Variants in SEPTIN2 observed in about 807,000 individuals in gnomAD.
The protein encoded by SEPTIN2 is septin-2.
A neutral mutation model predicts 46.5 loss-of-function variants in SEPTIN2; 34 were observed. That is an observed-to-expected ratio of 0.73 (90% confidence interval 0.56 to 0.97). The LOEUF is 0.97. SEPTIN2 is among the 50% of genes least tolerant of loss of function. SEPTIN2 has a pLI of 0.00. For synonymous variants in SEPTIN2, 175 were observed against 153.4 expected (o/e 1.14, Z -1.04); for missense variants, 347 against 448.4 (o/e 0.77, Z 2.04).
chr2:241,347,990 G>T, intron 10 of SEPTIN2, 144 bp from the exon 11 acceptor site: 1 of 545,746 alleles, frequency 1.8e-6, no homozygotes, highest in South Asian at 1.9e-5. Flanking sequence ...ACTCCAGCCC[G>T]TGCGACAGAG....
intron 3 of SEPTIN2, among the ~76,000 whole-genome samples, chr2:241,331,909 A>G (rs1274709616): frequency 1.3e-5 from 2 of 152,232 alleles, no homozygotes; most frequent in Non-Finnish European, 2.9e-5. Context: ...ACCCATCAAT[A>G]TAATAAGTTC....
At chr2:241,339,260 G>A (rs2080919051) in intron 7 of SEPTIN2, among the ~76,000 whole-genome samples, 1 of 150,960 alleles carries the variant, frequency 6.6e-6, no homozygotes, top group African/African-American at 2.4e-5. Flanking sequence ...GGGCGTGGTG[G>A]CGGGCATCTG....
At chr2:241,323,411 A>G (rs1436372509) in intron 1 of SEPTIN2, among the ~76,000 whole-genome samples, 1 of 151,096 alleles carries the variant, frequency 6.6e-6, no homozygotes, top group East Asian at 1.9e-4. Flanking sequence ...CTCAAGCGCC[A>G]CCATGCCTGG....
Position 241,353,736 on chromosome 2 carries a change from AC to A in SEPTIN2, c.*1800del, listed in dbSNP as rs1216146366. The stretch of plus-strand genomic sequence containing the variant: ...GCTGGAAAATCTGTAAAAAAGAAAA[AC>A]AAGTTTGCTAGTGACTAAGCCCCGC... On this transcript the variant is annotated 3_prime_UTR_variant, in exon 13 of 13. Transcript: ENST00000391971. 3 of 153,212 alleles carry A rather than the reference AC, an allele frequency of 2.0e-5. No homozygotes were observed. Among genetic ancestry groups the A allele is most frequent in the Non-Finnish European group, 4.4e-5 (3 of 68,042 alleles). The allele number at this position is 153,212 out of a possible 1,614,324, so 9.5% of individuals were successfully genotyped here.
intron 7 of SEPTIN2, among the ~76,000 whole-genome samples, chr2:241,338,716 ATAATATATT>A (rs2080544272): frequency 1.4e-5 from 1 of 72,746 alleles, no homozygotes; most frequent in Non-Finnish European, 2.9e-5. Context: ...TATTATTTAT[ATAATATATT>A]ATATATATTA....
intron 7 of SEPTIN2, among the ~76,000 whole-genome samples, chr2:241,342,191 A>G (rs2150132878): frequency 6.6e-6 from 1 of 152,166 alleles, no homozygotes; most frequent in Middle Eastern, 3.4e-3. Flanking sequence ...CTTATTCTCA[A>G]AATGCACCCC....
At chr2:241,334,122 C>T (rs2079502559) in intron 3 of SEPTIN2, among the ~76,000 whole-genome samples, 1 of 152,146 alleles carries the variant, frequency 6.6e-6, no homozygotes, top group South Asian at 2.1e-4. Flanking sequence ...GATCCTCCAG[C>T]CTTGGTCTGC....
rs765520585 is a variant in SEPTIN2 at position 241,336,091 on chromosome 2, A to C, written c.334A>C (p.Arg112=). 1 of 1,614,160 alleles carries C rather than the reference A, an allele frequency of 6.2e-7. No individual in the cohort carries two copies. Residue 112 remains arginine, a synonymous_variant, in exon 5 of 13, where the codon AGA becomes CGA. Transcript: ENST00000391971. The part of the protein sequence containing the change: ...TPGYGDAINC[R]DCFKTIISYI... ...TGGCTATGGTGACGCTATCAACTGC[A>C]GAGATTGGTATGCTCCCCCATGCCC...
chr2:241,339,070 AAATAT>A (rs1158863795), intron 7 of SEPTIN2, among the ~76,000 whole-genome samples: 8 of 133,908 alleles, frequency 6.0e-5, no homozygotes, highest in South Asian at 2.1e-4. Context: ...ATATATATAT[AAATAT>A]AATATACATA....
chr2:241,323,953 A>AT (rs2077533474), intron 1 of SEPTIN2, among the ~76,000 whole-genome samples: 1 of 152,264 alleles, frequency 6.6e-6, no homozygotes, highest in African/African-American at 2.4e-5. Context: ...TGAATAAAGA[A>AT]TAGGGGGTCT....
rs1190598340 is a variant in SEPTIN2 at position 241,337,749 on chromosome 2, G to C, written c.553G>C (p.Asp185His). 1 of 1,614,080 alleles carries C rather than the reference G, an allele frequency of 6.2e-7. No homozygotes were observed. The highest frequency in any genetic ancestry group is 8.5e-7 in the Non-Finnish European group (1 of 1,180,008). Residue 185 changes from aspartate (D) to histidine (H), a missense_variant, in exon 7 of 13, where the codon GAC becomes CAC. Asp to His is a moderately conservative substitution (Grantham distance 81, BLOSUM62 -1). Coordinates refer to ENST00000391971, the MANE Select transcript of SEPTIN2 (RefSeq NM_004404.5). Reference protein sequence around the residue: ...VNIVPVIAKADTLTLKERERL... With the variant: ...VNIVPVIAKAHTLTLKERERL... ...TATTGTGCCTGTCATTGCAAAAGCTGACACTCTCACCCTGAAGGAACGGGA... is the reference window on the plus strand; with the variant it reads ...TATTGTGCCTGTCATTGCAAAAGCTCACACTCTCACCCTGAAGGAACGGGA...
intron 2 of SEPTIN2, 102 bp from the exon 3 acceptor site, chr2:241,325,891 G>T: frequency 1.8e-6 from 2 of 1,128,538 alleles, no homozygotes; most frequent in South Asian, 1.8e-5. Context: ...TAAAAAATTT[G>T]TGAAAACTGA....
chr2:241,335,567 T>C (rs2079814095), intron 4 of SEPTIN2: 2 of 610,740 alleles, frequency 3.3e-6, no homozygotes, highest in African/African-American at 1.8e-5. Flanking sequence ...TCATCTACTG[T>C]CAGAAAGTTC....
chr2:241,351,441 T>C (rs1192064022), intron 12 of SEPTIN2: 1 of 152,220 alleles, frequency 6.6e-6, no homozygotes, highest in African/African-American at 2.4e-5. Flanking sequence ...AGTGACACCT[T>C]AGAATAGTCC....
chr2:241,325,484 T>C (rs1330135998), intron 2 of SEPTIN2, among the ~76,000 whole-genome samples: 2 of 152,206 alleles, frequency 1.3e-5, no homozygotes, highest in Non-Finnish European at 2.9e-5. Flanking sequence ...TCTATAGAGC[T>C]AGAAGCACAG....
intron 3 of SEPTIN2, among the ~76,000 whole-genome samples, chr2:241,332,189 T>A (rs1042311966): frequency 8.5e-5 from 13 of 152,228 alleles, no homozygotes; most frequent in Admixed American, 5.9e-4. Flanking sequence ...TAAAAACAAT[T>A]GTGCATTATT....
chr2:241,317,669 T>TA, intron 1 of SEPTIN2: 1 of 543,768 alleles, frequency 1.8e-6, no homozygotes, highest in Non-Finnish European at 2.3e-6. Context: ...CAGTCCCTGT[T>TA]AGGAGTGTTA....
At chr2:241,327,184 T>C (rs548265676) in intron 3 of SEPTIN2, among the ~76,000 whole-genome samples, 35 of 140,794 alleles carry the variant, frequency 2.5e-4, no homozygotes, top group Non-Finnish European at 4.0e-4. Flanking sequence ...AAGCAGGCAA[T>C]AGAAACAGAT....
At chr2:241,317,411 C>A in intron 1 of SEPTIN2, 2 of 336,120 alleles carry the variant, frequency 6.0e-6, no homozygotes, top group Non-Finnish European at 8.5e-6. Context: ...GGCTCTTAAA[C>A]TAGCAAGGTG....
Sources: gnomAD v4.1 joint callset for allele counts (sites outside exome capture counted in the v4.1 genomes callset) on GRCh38, gnomAD v4.1.1 for gene constraint, MANE v1.5 for transcripts, NCBI Gene and HGNC (gene_info 2026-07-23, HGNC 2026-07-21) for gene names.